CHST11: variants seen among roughly 807,000 people sequenced by gnomAD.
CHST11 encodes C4S-1.
In CHST11, 9 loss-of-function variants were observed where a neutral mutation model predicts 30.4. The observed-to-expected ratio is 0.30, with a 90% confidence interval of 0.18 to 0.52. The LOEUF (loss-of-function observed/expected upper bound fraction) is 0.52. Among genes scored for constraint, CHST11 ranks in the 20% least tolerant of loss-of-function variants. CHST11 has a pLI of 0.97. For synonymous variants in CHST11, 152 were observed against 187.8 expected (o/e 0.81, Z 1.56); for missense variants, 348 against 460.6 (o/e 0.76, Z 2.24).
At chr12:104,644,657 A>C (rs964019731) in intron 2 of CHST11, among the ~76,000 whole-genome samples, 5 of 151,866 alleles carry the variant, frequency 3.3e-5, no homozygotes, top group African/African-American at 1.2e-4. Flanking sequence ...TCTCTGGCTG[A>C]GTCCTGGCCC....
intron 1 of CHST11, among the ~76,000 whole-genome samples, chr12:104,525,841 C>T (rs11112089): frequency 0.062 from 9,280 of 149,824 alleles, 498 homozygotes; most frequent in East Asian, 0.21. Context: ...AGGTTTCTCA[C>T]ATAGCCCTTA....
At chr12:104,585,935 C>T (rs1212102204) in intron 1 of CHST11, among the ~76,000 whole-genome samples, 1 of 152,142 alleles carries the variant, frequency 6.6e-6, no homozygotes, top group African/African-American at 2.4e-5. Flanking sequence ...CTGTGTGTGT[C>T]TCTGTGGGTC....
intron 2 of CHST11, among the ~76,000 whole-genome samples, chr12:104,721,788 T>C (rs1271351104): frequency 2.0e-5 from 3 of 152,174 alleles, no homozygotes; most frequent in Non-Finnish European, 2.9e-5. Flanking sequence ...TGGAAGATAT[T>C]GTATAATTTT....
chr12:104,624,596 C>T (rs1053176448), intron 2 of CHST11, among the ~76,000 whole-genome samples: 2 of 152,138 alleles, frequency 1.3e-5, no homozygotes, highest in Admixed American at 6.5e-5. Flanking sequence ...ATCATACATA[C>T]CTTACACGAC....
At chr12:104,678,636 G>A (rs1056033729) in intron 2 of CHST11, among the ~76,000 whole-genome samples, 1 of 152,110 alleles carries the variant, frequency 6.6e-6, no homozygotes, top group Non-Finnish European at 1.5e-5. Flanking sequence ...TCAGTTATCC[G>A]TTGCTACAGT....
chr12:104,568,103 A>G (rs2038585649), intron 1 of CHST11, among the ~76,000 whole-genome samples: 1 of 152,046 alleles, frequency 6.6e-6, no homozygotes, highest in Admixed American at 6.5e-5. Flanking sequence ...AAGGACTCGT[A>G]TGTGTGTTGT....
chr12:104,714,959 C>T (rs1221678525), intron 2 of CHST11, among the ~76,000 whole-genome samples: 4 of 152,188 alleles, frequency 2.6e-5, no homozygotes, highest in Admixed American at 6.5e-5. Flanking sequence ...TAGCTGACCT[C>T]GAGGCAGAGC....
chr12:104,472,527 G>A (rs890202336), intron 1 of CHST11, among the ~76,000 whole-genome samples: 3 of 152,192 alleles, frequency 2.0e-5, no homozygotes, highest in Admixed American at 1.3e-4. Flanking sequence ...CATGTAGCAA[G>A]AGCAACTGTT....
chr12:104,677,346 A>T (rs926840249), intron 2 of CHST11, among the ~76,000 whole-genome samples: 1 of 152,196 alleles, frequency 6.6e-6, no homozygotes, highest in Non-Finnish European at 1.5e-5. Flanking sequence ...CTAGAACTGG[A>T]CTCAGTTAGG....
rs971545416 is a variant in CHST11 at position 104,725,982 on chromosome 12, C to T, written c.205-30967C>T. ...CAAGATGTGGCCAGACCACACGGAG[C>T]TCTTCAGTCTTGACATCATCAATCC... On this transcript the variant is annotated intron_variant, in intron 2 of 2. Coordinates refer to ENST00000303694, the MANE Select transcript of CHST11 (RefSeq NM_018413.6). 5.9e-5 allele frequency among the ~76,000 whole-genome samples: 9 copies of T among 152,326 alleles called. No individual in the cohort carries two copies. In the Middle Eastern group the frequency reaches 0.014, roughly 230 times the overall value.
At chr12:104,680,352 C>T in intron 2 of CHST11, among the ~76,000 whole-genome samples, 1 of 152,228 alleles carries the variant, frequency 6.6e-6, no homozygotes, top group Middle Eastern at 3.2e-3. Flanking sequence ...TGCAAGGGCA[C>T]CACAGCAGAT....
chr12:104,723,754 C>G (rs2136128212), intron 2 of CHST11, among the ~76,000 whole-genome samples: 1 of 152,320 alleles, frequency 6.6e-6, no homozygotes, highest in African/African-American at 2.4e-5. Context: ...TCTGTCGTAT[C>G]ACTTTAGTGC....
At chr12:104,597,246 G>A (rs2038914423) in intron 1 of CHST11, among the ~76,000 whole-genome samples, 1 of 152,162 alleles carries the variant, frequency 6.6e-6, no homozygotes, top group African/African-American at 2.4e-5. Flanking sequence ...GGGAGATATA[G>A]AACTGTTCCT....
rs140810950 is a variant in CHST11, at chr12:104,640,532, G to A, written c.204+38541G>A. 5.0e-3 allele frequency among the ~76,000 whole-genome samples: 766 copies of A among 152,304 alleles called. 6 individuals are homozygous for A. Among genetic ancestry groups the A allele is most frequent in the African/African-American group, 0.017 (699 of 41,562 alleles). Reference sequence around the variant, plus strand: ...TGACATTCTGTAAAAGTTGGCAAATGTCTGTAAACAGCAGTAAATGACTAT... The same window carrying A: ...TGACATTCTGTAAAAGTTGGCAAATATCTGTAAACAGCAGTAAATGACTAT... On this transcript the variant is annotated intron_variant, in intron 2 of 2. Transcript: ENST00000303694.
intron 2 of CHST11, among the ~76,000 whole-genome samples, chr12:104,657,348 C>G (rs1273873280): frequency 6.6e-6 from 1 of 152,198 alleles, no homozygotes; most frequent in African/African-American, 2.4e-5. Context: ...AAAATACAAG[C>G]CTTGCTATGT....
intron 2 of CHST11, among the ~76,000 whole-genome samples, chr12:104,662,888 C>T (rs1354084625): frequency 6.6e-6 from 1 of 152,070 alleles, no homozygotes; most frequent in Non-Finnish European, 1.5e-5. Context: ...TACTGACCTC[C>T]GTGAAGGAAT....
At chr12:104,681,654 G>T (rs755900979) in intron 2 of CHST11, among the ~76,000 whole-genome samples, 4 of 152,020 alleles carry the variant, frequency 2.6e-5, no homozygotes, top group Non-Finnish European at 5.9e-5. Context: ...GACATGCTAA[G>T]CCTGGGCAAC....
At chr12:104,624,591 A>G (rs934744915) in intron 2 of CHST11, among the ~76,000 whole-genome samples, 2 of 152,242 alleles carry the variant, frequency 1.3e-5, no homozygotes, top group Non-Finnish European at 2.9e-5. Flanking sequence ...TAATAATCAT[A>G]CATACCTTAC....
At chr12:104,678,580 T>C (rs1432593634) in intron 2 of CHST11, among the ~76,000 whole-genome samples, 4 of 152,258 alleles carry the variant, frequency 2.6e-5, no homozygotes, top group Non-Finnish European at 5.9e-5. Flanking sequence ...TGAATTAGAC[T>C]ATTCAGGTAT....
Sources: allele counts gnomAD v4.1 joint callset (sites outside exome capture counted in the v4.1 genomes callset), GRCh38; gene constraint gnomAD v4.1.1; transcripts MANE v1.5; gene names NCBI Gene and HGNC (gene_info 2026-07-23, HGNC 2026-07-21).